The following SERPINC1 variants were observed in gnomAD, a reference collection of about 807,000 sequenced individuals.
SERPINC1 encodes the protein serpin family C member 1, also known as antithrombin-III.
SERPINC1 carries 12 observed loss-of-function variants against 43.4 expected under a neutral mutation model. The ratio of observed to expected loss-of-function variants is 0.28; its 90% CI spans 0.18 to 0.45. The LOEUF is 0.45. SERPINC1 is among the 20% of genes least tolerant of loss of function. The pLI, the probability that SERPINC1 is intolerant of heterozygous loss-of-function variation, is 1.00. For missense variants in SERPINC1, 423 were observed against 578.8 expected (o/e 0.73, Z 2.76); for synonymous variants, 210 against 218.9 (o/e 0.96, Z 0.36).
intron 6 of SERPINC1, among the ~76,000 whole-genome samples, chr1:173,906,432 A>G (rs182919116): frequency 1.3e-5 from 2 of 152,302 alleles, no homozygotes; most frequent in East Asian, 1.9e-4. Context: ...TTCATCTCCC[A>G]TGAGAGGATA....
chr1:173,910,893 TGAG>T lies in SERPINC1; in HGVS notation c.625-5_625-3del, dbSNP rs1398922066. ...CGCTCTGGATTGCTCTGCATTTTCC[TGAG>T]GAGAACAGAAAATAAACCTACTCAC... On this transcript the variant is annotated splice_polypyrimidine_tract_variant and splice_region_variant and intron_variant, in intron 3 of 6. Transcript: ENST00000367698. 2.5e-6 allele frequency: 4 copies of T among 1,614,100 alleles called. No homozygotes were observed. The highest frequency in any genetic ancestry group is 1.3e-5 in the African/African-American group (1 of 74,936).
At chr1:173,905,336 A>G (rs1657449417) in intron 6 of SERPINC1, among the ~76,000 whole-genome samples, 1 of 152,146 alleles carries the variant, frequency 6.6e-6, no homozygotes, top group Non-Finnish European at 1.5e-5. Context: ...ATTGACATTC[A>G]TTGTCCTATA....
chr1:173,911,738 C>A (rs1177536212), intron 3 of SERPINC1, 61 bp downstream of exon 3: 1 of 1,326,228 alleles, frequency 7.5e-7, no homozygotes, highest in Non-Finnish European at 1.1e-6. Context: ...GTTTCTCCAC[C>A]TCCTCAATCT....
intron 5 of SERPINC1, among the ~76,000 whole-genome samples, chr1:173,908,907 C>T (rs1657647346): frequency 6.6e-6 from 1 of 152,148 alleles, no homozygotes; most frequent in Non-Finnish European, 1.5e-5. Context: ...TGGCTGACGC[C>T]TGTAATCCCA....
intron 2 of SERPINC1, among the ~76,000 whole-genome samples, chr1:173,914,345 A>C (rs1028667158): frequency 6.6e-6 from 1 of 152,234 alleles, no homozygotes; most frequent in Non-Finnish European, 1.5e-5. Flanking sequence ...AGGATTTAAA[A>C]AGTAGATAGC....
At chr1:173,913,655 G>A (rs1227518745) in intron 2 of SERPINC1, among the ~76,000 whole-genome samples, 1 of 152,124 alleles carries the variant, frequency 6.6e-6, no homozygotes, top group African/African-American at 2.4e-5. Flanking sequence ...AGGAGTTCAA[G>A]ACTAGCCTGG....
rs935644309 is a variant in SERPINC1 at position 173,904,077 on chromosome 1, A to G, written c.1219-12T>C. 9 of 1,613,650 alleles carry G rather than the reference A, an allele frequency of 5.6e-6. No individual in the cohort carries two copies. The highest frequency in any genetic ancestry group is 2.2e-5 in the East Asian group (1 of 44,896). On this transcript the variant is annotated splice_polypyrimidine_tract_variant and intron_variant, in intron 6 of 6. Transcript: ENST00000367698. ...CCTTCTTCATTTACCTGCAGGTCACATGGGAAATAAAACTAAATTAGCCAC... is the reference window on the plus strand; with the variant it reads ...CCTTCTTCATTTACCTGCAGGTCACGTGGGAAATAAAACTAAATTAGCCAC...
At chr1:173,906,677 C>T (rs1657531070) in intron 6 of SERPINC1, among the ~76,000 whole-genome samples, 2 of 150,734 alleles carry the variant, frequency 1.3e-5, no homozygotes, top group African/African-American at 4.9e-5. Context: ...GAGACAGGGT[C>T]TCACTATGTT....
At chr1:173,916,112 G>A (rs1245741013) in intron 1 of SERPINC1, among the ~76,000 whole-genome samples, 2 of 152,170 alleles carry the variant, frequency 1.3e-5, no homozygotes, top group Non-Finnish European at 2.9e-5. Context: ...TTCAATGAAG[G>A]TAAATGAAGC....
At position 173,916,355 on chromosome 1, in the gene SERPINC1, G is replaced by T. The variant is rs117858933; in HGVS notation, c.41+864C>A. On this transcript the variant is annotated intron_variant, in intron 1 of 6. Coordinates refer to ENST00000367698, the MANE Select transcript of SERPINC1 (RefSeq NM_000488.4). The stretch of plus-strand genomic sequence containing the variant: ...CAGTGCAGATTCACGGACGTGGTCC[G>T]TTGGGCAAGCCTGGGGCTGGCTGGA... 1.2e-4 allele frequency among the ~76,000 whole-genome samples: 19 copies of T among 152,310 alleles called. 1 individual carries two copies. The East Asian group carries it at 3.7e-3, about 29-fold the overall frequency.
intron 6 of SERPINC1, among the ~76,000 whole-genome samples, chr1:173,905,929 A>G (rs1330392970): frequency 5.3e-5 from 8 of 152,214 alleles, no homozygotes; most frequent in Non-Finnish European, 1.2e-4. Context: ...CTTTCAAGCT[A>G]TCACATTTCC....
rs1452345419 is a variant in SERPINC1, at chr1:173,914,644, T to A, written c.317A>T (p.Asp106Val). ...QHLADSKNDNDNIFLSPLSIS... is the reference protein window; with the variant it reads ...QHLADSKNDNVNIFLSPLSIS... Reference sequence around the variant, plus strand: ...ACTCAGGGGTGACAGGAAAATGTTATCATTGTCATTCTTGGAATCTGCCAG... The same window carrying A: ...ACTCAGGGGTGACAGGAAAATGTTAACATTGTCATTCTTGGAATCTGCCAG... Residue 106 changes from aspartate to valine, a missense_variant, in exon 2 of 7, where the codon GAT (aspartate) becomes GTT (valine). By Grantham distance (152) the Asp-to-Val change is radical. Transcript: ENST00000367698. The A allele has an allele frequency of 6.2e-7, 1 of 1,614,118 alleles. No homozygotes were observed. Among genetic ancestry groups the A allele is most frequent in the Non-Finnish European group, 8.5e-7 (1 of 1,180,058 alleles).
intron 3 of SERPINC1, 146 bp downstream of exon 3, chr1:173,911,653 A>G: frequency 2.8e-6 from 2 of 702,628 alleles, no homozygotes; most frequent in Non-Finnish European, 5.1e-6. Flanking sequence ...AGTAAGAATA[A>G]CTATTGCAGG....
chr1:173,907,041 G>A (rs765653277), intron 6 of SERPINC1, among the ~76,000 whole-genome samples: 1 of 151,912 alleles, frequency 6.6e-6, no homozygotes, highest in East Asian at 1.9e-4. Flanking sequence ...TCGCTTGAAC[G>A]CGGGAGGCAG....
At chr1:173,915,049 T>G in intron 1 of SERPINC1, 130 bp from the exon 2 acceptor site, 1 of 1,530,512 alleles carries the variant, frequency 6.5e-7, no homozygotes, top group Non-Finnish European at 8.7e-7. Context: ...CTAAATCCTT[T>G]GAACCAAGTA....
chr1:173,909,466 T>C, intron 5 of SERPINC1, 86 bp downstream of exon 5: 1 of 1,418,552 alleles, frequency 7.0e-7, no homozygotes, highest in East Asian at 2.3e-5. Flanking sequence ...GACTTGTTGC[T>C]CCTTTCTATT....
At chr1:173,905,006 C>CCA (rs1657432836) in intron 6 of SERPINC1, among the ~76,000 whole-genome samples, 1 of 152,132 alleles carries the variant, frequency 6.6e-6, no homozygotes, top group Non-Finnish European at 1.5e-5. Context: ...ATGGAAAAAT[C>CCA]TTACATATTG....
intron 6 of SERPINC1, among the ~76,000 whole-genome samples, chr1:173,906,547 C>T (rs774258391): frequency 3.3e-5 from 5 of 152,174 alleles, no homozygotes; most frequent in Non-Finnish European, 7.4e-5. Context: ...CCTTTCTTAC[C>T]TTCCATTTGC....
Position 173,903,886 on chromosome 1 carries a change from A to T in SERPINC1, c.*3T>A. On this transcript the variant is annotated 3_prime_UTR_variant, in exon 7 of 7. Coordinates refer to ENST00000367698, the MANE Select transcript of SERPINC1 (RefSeq NM_000488.4). ...AGGAAGAGGTGCAAAGAATAAGAAC[A>T]TTTTACTTAACACAAGGGTTGGCTA... 6.2e-7 allele frequency: 1 copy of T among 1,613,806 alleles called. No homozygotes were observed. Among genetic ancestry groups the T allele is most frequent in the Non-Finnish European group, 8.5e-7 (1 of 1,179,698 alleles).
Sources: gnomAD v4.1 joint callset for allele counts (sites outside exome capture counted in the v4.1 genomes callset) on GRCh38, gnomAD v4.1.1 for gene constraint, MANE v1.5 for transcripts, NCBI Gene and HGNC (gene_info 2026-07-23, HGNC 2026-07-21) for gene names.